The following USP43 variants were observed in gnomAD, a reference collection of about 807,000 sequenced individuals.
USP43 encodes the protein ubiquitin carboxyl-terminal hydrolase 43.
USP43 carries 33 observed loss-of-function variants against 90.7 expected under a neutral mutation model. That is an observed-to-expected ratio of 0.36 (90% CI 0.28 to 0.49). The LOEUF (loss-of-function observed/expected upper bound fraction) is 0.49. Among genes scored for constraint, USP43 ranks in the 20% least tolerant of loss-of-function variants. The pLI, the probability that USP43 is intolerant of heterozygous loss-of-function variation, is 0.98. For synonymous variants in USP43, 598 were observed against 615.8 expected, an observed-to-expected ratio of 0.97 and a Z score of 0.43; for missense variants, 1,274 against 1,476.4, an observed-to-expected ratio of 0.86 and a Z score of 2.25.
rs1460274889 is a variant in USP43 at position 9,728,448 on chromosome 17, C to G, written c.2830C>G (p.Pro944Ala). The change falls in exon 15 of 15, where the codon CCA becomes GCA. Residue 944 changes from proline (P) to alanine (A), a missense_variant. By Grantham distance (27) the Pro-to-Ala change is conservative (BLOSUM62 -1). Coordinates refer to ENST00000285199, the MANE Select transcript of USP43 (RefSeq NM_153210.5). The surrounding 1 kb of genome is among the most constrained non-coding windows in gnomAD (Gnocchi z 6.2). ...TVMPSVEHEK[P>A]ARPEGQKAMN... ...GATGCCTTCAGTGGAGCATGAGAAA[C>G]CAGCTCGACCGGAGGGCCAGAAGGC... 1 of 1,612,362 alleles carries G rather than the reference C, an allele frequency of 6.2e-7. No homozygotes were observed. The highest frequency in any genetic ancestry group is 8.5e-7 in the Non-Finnish European group (1 of 1,179,286).
At chr17:9,687,702 A>C (rs1914674614) in intron 8 of USP43, among the ~76,000 whole-genome samples, 1 of 152,226 alleles carries the variant, frequency 6.6e-6, no homozygotes, top group African/African-American at 2.4e-5. Context: ...CACAGATCTT[A>C]TCTCAGAGAT....
Position 9,645,998 on chromosome 17 carries a change from C to G in USP43, c.366C>G (p.Thr122=). 1 of 1,485,340 alleles carries G rather than the reference C, an allele frequency of 6.7e-7. No homozygotes were observed. The highest frequency in any genetic ancestry group is 8.9e-7 in the Non-Finnish European group (1 of 1,119,446). 92.0% of individuals were successfully genotyped at this position (1,485,340 alleles called of 1,614,324 possible). Reference sequence around the variant, plus strand: ...CGGTGGTGCAGTGTCTCAGCAACACCGACCTGCTGGCCGAGTTCCTGGCGC... The same window carrying G: ...CGGTGGTGCAGTGTCTCAGCAACACGGACCTGCTGGCCGAGTTCCTGGCGC... ...MNAVVQCLSN[T]DLLAEFLALG... is the part of the protein sequence containing the mutation. Residue 122 remains threonine (T), a synonymous_variant, in exon 1 of 15, where the codon ACC becomes ACG. Coordinates refer to ENST00000285199, the MANE Select transcript of USP43 (RefSeq NM_153210.5). This position sits in a 1 kb window ranked among gnomAD's most constrained non-coding sequence, Gnocchi z 6.8.
chr17:9,657,460 G>A (rs143654595), intron 2 of USP43, among the ~76,000 whole-genome samples: 117 of 151,118 alleles, frequency 7.7e-4, no homozygotes, highest in African/African-American at 2.6e-3. Flanking sequence ...AGAACGCACC[G>A]TTGCACTCCA....
intron 14 of USP43, among the ~76,000 whole-genome samples, chr17:9,718,298 A>G: frequency 6.6e-6 from 1 of 152,180 alleles, no homozygotes; most frequent in East Asian, 1.9e-4. Context: ...GTGATGCTGC[A>G]AAGATTTACT....
intron 7 of USP43, among the ~76,000 whole-genome samples, chr17:9,684,620 G>T (rs2139888): frequency 6.6e-6 from 1 of 151,256 alleles, no homozygotes; most frequent in Non-Finnish European, 1.5e-5. Context: ...AAAAGTAGCC[G>T]GGCATGGTGG....
chr17:9,687,605 T>C (rs1914668169), intron 8 of USP43, among the ~76,000 whole-genome samples: 1 of 152,200 alleles, frequency 6.6e-6, no homozygotes, highest in South Asian at 2.1e-4. Context: ...ACAGAAGATG[T>C]TGAAATTTTT....
chr17:9,647,858 A>C lies in USP43; in HGVS notation c.504+1722A>C, dbSNP rs1453292706. On this transcript the variant is annotated intron_variant, in intron 1 of 14. Transcript: ENST00000285199. ...TCTTTACTAAAAATCCAAAAAAAAA[A>C]AAAAAAAAAAAAATTAGCCGGACGT... is the stretch of plus-strand genomic sequence containing the variant. Among the ~76,000 whole-genome samples the C allele has an allele frequency of 2.7e-5, 4 of 150,798 alleles. 1 individual carries two copies. In the South Asian group the frequency reaches 8.4e-4, roughly 32 times the overall value.
chr17:9,703,209 C>T (rs1915677917), intron 12 of USP43, among the ~76,000 whole-genome samples: 1 of 151,108 alleles, frequency 6.6e-6, no homozygotes, highest in East Asian at 1.9e-4. Flanking sequence ...AGCGTTATGG[C>T]TGAATGAGTC....
rs1213231949 is a variant in USP43, at chr17:9,701,316, G to T, written c.1663-36G>T. 2 of 1,588,350 alleles carry T rather than the reference G, an allele frequency of 1.3e-6. No homozygotes were observed. Among genetic ancestry groups the T allele is most frequent in the Non-Finnish European group, 1.7e-6 (2 of 1,166,530 alleles). On this transcript the variant is annotated intron_variant, in intron 11 of 14. Coordinates refer to ENST00000285199, the MANE Select transcript of USP43 (RefSeq NM_153210.5). This position sits in a 1 kb window ranked among gnomAD's most constrained non-coding sequence, Gnocchi z 7.2. ...GCCTTTGGTGGGTTGGCCACGTGCT[G>T]CGGGGGCCTCACAGTCCGGGTGGTT...
intron 8 of USP43, among the ~76,000 whole-genome samples, chr17:9,689,769 T>A (rs1046049159): frequency 6.6e-6 from 1 of 152,104 alleles, no homozygotes; most frequent in Non-Finnish European, 1.5e-5. Context: ...CAGCACTATT[T>A]GTGTGCAGGC....
At chr17:9,723,052 C>T (rs933067212) in intron 14 of USP43, among the ~76,000 whole-genome samples, 1 of 152,304 alleles carries the variant, frequency 6.6e-6, no homozygotes, top group East Asian at 1.9e-4. Context: ...TGCCCAGCCA[C>T]AAATATTTCC....
intron 1 of USP43, among the ~76,000 whole-genome samples, chr17:9,652,133 C>G (rs1911902836): frequency 6.7e-6 from 1 of 150,042 alleles, no homozygotes; most frequent in Non-Finnish European, 1.5e-5. Flanking sequence ...GCCTGTAATC[C>G]TAGCACTTTG....
intron 2 of USP43, among the ~76,000 whole-genome samples, chr17:9,660,622 A>G (rs1189701250): frequency 6.6e-6 from 1 of 152,134 alleles, no homozygotes; most frequent in Non-Finnish European, 1.5e-5. Flanking sequence ...CACGTAGAAC[A>G]AAATTCAGAC....
chr17:9,685,826 A>G (rs535735841), intron 7 of USP43, among the ~76,000 whole-genome samples: 1 of 152,294 alleles, frequency 6.6e-6, no homozygotes, highest in African/African-American at 2.4e-5. Context: ...AAGATTCAAA[A>G]TCCTATCCTC....
At chr17:9,696,605 A>G (rs367907214) in intron 9 of USP43, among the ~76,000 whole-genome samples, 1 of 152,244 alleles carries the variant, frequency 6.6e-6, no homozygotes, top group East Asian at 1.9e-4. Flanking sequence ...CTTCTTGCTT[A>G]AAGCTTTCCA....
At chr17:9,708,266 A>G (rs867165084) in intron 12 of USP43, among the ~76,000 whole-genome samples, 1 of 152,170 alleles carries the variant, frequency 6.6e-6, no homozygotes, top group Admixed American at 6.5e-5. Context: ...CAAAGGGGTG[A>G]TAAATCATTT....
chr17:9,727,816 C>T (rs1917350310), intron 14 of USP43, 138 bp from the exon 15 acceptor site: 2 of 923,526 alleles, frequency 2.2e-6, no homozygotes, highest in East Asian at 5.3e-5. Flanking sequence ...GGCAGGAACC[C>T]TATGTGGCTT....
At chr17:9,706,980 C>T (rs1217847617) in intron 12 of USP43, among the ~76,000 whole-genome samples, 1 of 152,092 alleles carries the variant, frequency 6.6e-6, no homozygotes, top group African/African-American at 2.4e-5. Context: ...ATGTAAGATG[C>T]TTCTCATATT....
chr17:9,660,841 TTCTC>T (rs1448923906), intron 2 of USP43, among the ~76,000 whole-genome samples: 2 of 152,222 alleles, frequency 1.3e-5, no homozygotes, highest in East Asian at 3.8e-4. Flanking sequence ...AAAGATCTCT[TTCTC>T]TGTCTGGGGT....
Sources: gnomAD v4.1 joint callset for allele counts (sites outside exome capture counted in the v4.1 genomes callset) on GRCh38, gnomAD v4.1.1 for gene constraint, Gnocchi (gnomAD v3.1) non-coding constraint, MANE v1.5 for transcripts, NCBI Gene and HGNC (gene_info 2026-07-23, HGNC 2026-07-21) for gene names.